The following CTNNBL1 variants were observed in gnomAD, a reference collection of about 807,000 sequenced individuals.
CTNNBL1 encodes beta-catenin-like protein 1.
Under a neutral mutation model 72.7 loss-of-function variants are expected in CTNNBL1, and 31 were observed. That is an observed-to-expected ratio of 0.43 (90% CI 0.32 to 0.58). CTNNBL1 has a LOEUF of 0.58. Among genes scored for constraint, CTNNBL1 ranks in the 20% least tolerant of loss-of-function variants. The pLI, the probability that CTNNBL1 is intolerant of heterozygous loss-of-function variation, is 0.08. For synonymous variants in CTNNBL1, 240 were observed against 267.3 expected (o/e 0.90, Z 1.00); for missense variants, 534 against 725.1 (o/e 0.74, Z 3.03).
intron 4 of CTNNBL1, among the ~76,000 whole-genome samples, chr20:37,756,545 A>G (rs1184128979): frequency 1.3e-5 from 2 of 150,098 alleles, no homozygotes; most frequent in African/African-American, 4.9e-5. Flanking sequence ...TAGTTCTGCC[A>G]CCCAGTTTCC....
chr20:37,823,754 C>T (rs1357444294), intron 11 of CTNNBL1, among the ~76,000 whole-genome samples: 2 of 152,086 alleles, frequency 1.3e-5, no homozygotes, highest in Non-Finnish European at 2.9e-5. Flanking sequence ...CTCTCCTGCA[C>T]CAGGGTAGGT....
chr20:37,857,855 A>G (rs2072456604), intron 13 of CTNNBL1, among the ~76,000 whole-genome samples: 1 of 152,210 alleles, frequency 6.6e-6, no homozygotes, highest in Non-Finnish European at 1.5e-5. Context: ...ACGCAGAACA[A>G]GTCCCCACAC....
chr20:37,758,961 G>T (rs1312570905), intron 5 of CTNNBL1, among the ~76,000 whole-genome samples: 1 of 151,990 alleles, frequency 6.6e-6, no homozygotes, highest in Non-Finnish European at 1.5e-5. Context: ...CTCGACACTA[G>T]AAATTTCCCA....
intron 11 of CTNNBL1, among the ~76,000 whole-genome samples, chr20:37,813,951 G>A (rs2072033123): frequency 6.6e-6 from 1 of 151,982 alleles, no homozygotes; most frequent in African/African-American, 2.4e-5. Context: ...GCCATTTGGG[G>A]GCCTTTTTTG....
chr20:37,820,663 C>T (rs1235963644), intron 11 of CTNNBL1, among the ~76,000 whole-genome samples: 1 of 152,176 alleles, frequency 6.6e-6, no homozygotes, highest in Non-Finnish European at 1.5e-5. Context: ...GCTTCCCCCA[C>T]GCGCTCTCTC....
intron 5 of CTNNBL1, among the ~76,000 whole-genome samples, chr20:37,762,642 A>T (rs2073428220): frequency 6.6e-6 from 1 of 152,238 alleles, no homozygotes; most frequent in South Asian, 2.1e-4. Flanking sequence ...ACAGGTCCAG[A>T]AAATTGAAGG....
chr20:37,703,673 T>C (rs1250530637), intron 1 of CTNNBL1, among the ~76,000 whole-genome samples: 1 of 152,166 alleles, frequency 6.6e-6, no homozygotes, highest in Non-Finnish European at 1.5e-5. Context: ...CCTATCCCCA[T>C]GGCCAGCTTT....
At chr20:37,752,869 G>A (rs2073333155) in intron 4 of CTNNBL1, among the ~76,000 whole-genome samples, 1 of 152,104 alleles carries the variant, frequency 6.6e-6, no homozygotes, top group Non-Finnish European at 1.5e-5. Context: ...CAAAAACTGT[G>A]TTTTAGTAAT....
In CTNNBL1 at chr20:37,739,517, A is replaced by G. The variant is rs187569388; in HGVS notation, c.326+2033A>G. Among the ~76,000 whole-genome samples, 241 of 152,280 alleles carry G rather than the reference A, an allele frequency of 1.6e-3. 1 individual carries two copies. Among genetic ancestry groups the G allele is most frequent in the East Asian group, 3.5e-3 (18 of 5,182 alleles). On this transcript the variant is annotated intron_variant, in intron 3 of 15. Coordinates refer to ENST00000361383, the MANE Select transcript of CTNNBL1 (RefSeq NM_030877.5). Reference sequence around the variant, plus strand: ...CTTGTACATGTGTCTTTGTGTGCATATATTTCCATAGGATAGATACCTAAA... The same window carrying G: ...CTTGTACATGTGTCTTTGTGTGCATGTATTTCCATAGGATAGATACCTAAA...
At chr20:37,743,858 A>G (rs2073239183) in intron 3 of CTNNBL1, among the ~76,000 whole-genome samples, 1 of 152,148 alleles carries the variant, frequency 6.6e-6, no homozygotes, top group Non-Finnish European at 1.5e-5. Context: ...AAACATAAAA[A>G]TACATCATAA....
chr20:37,799,067 A>G (rs573455927), intron 10 of CTNNBL1, among the ~76,000 whole-genome samples: 2 of 152,294 alleles, frequency 1.3e-5, no homozygotes, highest in East Asian at 1.9e-4. Flanking sequence ...CCTCATATTT[A>G]AGATTTCATG....
chr20:37,826,626 TA>T (rs780203838), intron 11 of CTNNBL1, among the ~76,000 whole-genome samples: 7 of 152,218 alleles, frequency 4.6e-5, no homozygotes, highest in Non-Finnish European at 7.3e-5. Context: ...AACATTTTCT[TA>T]AGATAATTTT....
intron 11 of CTNNBL1, among the ~76,000 whole-genome samples, chr20:37,829,348 A>G (rs754428344): frequency 6.6e-6 from 1 of 152,162 alleles, no homozygotes; most frequent in African/African-American, 2.4e-5. Flanking sequence ...TCTCCATCCT[A>G]AGAATAGAAC....
At chr20:37,868,309 A>G (rs1488429913) in intron 15 of CTNNBL1, among the ~76,000 whole-genome samples, 1 of 147,942 alleles carries the variant, frequency 6.8e-6, no homozygotes, top group Non-Finnish European at 1.5e-5. Context: ...TTTTTTTACT[A>G]TCCACACATT....
chr20:37,752,691 G>A (rs981392528), intron 4 of CTNNBL1, among the ~76,000 whole-genome samples: 1 of 151,952 alleles, frequency 6.6e-6, no homozygotes, highest in African/African-American at 2.4e-5. Context: ...AAAAATAGAA[G>A]TAAACACCAC....
intron 1 of CTNNBL1, among the ~76,000 whole-genome samples, chr20:37,717,649 T>C (rs1284801841): frequency 6.6e-6 from 1 of 151,826 alleles, no homozygotes; most frequent in African/African-American, 2.4e-5. Flanking sequence ...TGGGTGTTTC[T>C]CGCAGAGGGG....
chr20:37,778,820 G>A (rs2073598957), intron 9 of CTNNBL1, among the ~76,000 whole-genome samples: 1 of 151,850 alleles, frequency 6.6e-6, no homozygotes, highest in South Asian at 2.1e-4. Flanking sequence ...TGATTTCAGG[G>A]GTGTTCACTT....
At chr20:37,704,544 G>A (rs557244193) in intron 1 of CTNNBL1, among the ~76,000 whole-genome samples, 6 of 151,354 alleles carry the variant, frequency 4.0e-5, no homozygotes, top group Admixed American at 1.3e-4. Flanking sequence ...GTGAGACATC[G>A]TCTCAAAAAA....
At chr20:37,828,475 C>T (rs1018928254) in intron 11 of CTNNBL1, among the ~76,000 whole-genome samples, 2 of 152,140 alleles carry the variant, frequency 1.3e-5, no homozygotes, top group African/African-American at 4.8e-5. Context: ...AACTAGGTCA[C>T]CTCCTAGCTG....
Sources: gnomAD v4.1 joint callset for allele counts (sites outside exome capture counted in the v4.1 genomes callset) on GRCh38, gnomAD v4.1.1 for gene constraint, MANE v1.5 for transcripts, NCBI Gene and HGNC (gene_info 2026-07-23, HGNC 2026-07-21) for gene names.